The following CUX1 variants were observed in gnomAD, a reference collection of about 807,000 sequenced individuals.
CUX1 encodes the protein cut like homeobox 1, also known as protein CASP.
A neutral mutation model predicts 158.8 loss-of-function variants in CUX1; 31 were observed. The observed-to-expected ratio is 0.20, with a 90% CI of 0.15 to 0.26. The LOEUF (loss-of-function observed/expected upper bound fraction) is 0.26, where lower values mean the gene tolerates loss of function less well. CUX1 is among the 10% of genes least tolerant of loss of function. The pLI is 1.00. For missense variants in CUX1, 1,589 were observed against 2,014.6 expected, an observed-to-expected ratio of 0.79 and a Z score of 4.04; for synonymous variants, 879 against 862.1, an observed-to-expected ratio of 1.02 and a Z score of -0.34.
At chr7:102,055,254 T>C (rs772640998) in intron 3 of CUX1, among the ~76,000 whole-genome samples, 3 of 152,124 alleles carry the variant, frequency 2.0e-5, no homozygotes, top group African/African-American at 4.8e-5. Flanking sequence ...ATTGCAAACA[T>C]GTAGAAAGAC....
Position 102,250,219 on chromosome 7 carries a change from C to T in CUX1, c.*1177C>T. 15 of 985,396 alleles carry T rather than the reference C, an allele frequency of 1.5e-5. No homozygotes were observed. Among genetic ancestry groups the T allele is most frequent in the Non-Finnish European group, 1.8e-5 (15 of 829,938 alleles). 61.0% of individuals were successfully genotyped at this position (985,396 alleles called of 1,614,324 possible). A position where few individuals can be genotyped will look rare whatever the true frequency, so the allele number is the denominator to read the frequency against. ...GTTAATTTTGTTTAATTTATGGTGT[C>T]TCAATCTGTCTGTGCGTCTGCACGT... On this transcript the variant is annotated 3_prime_UTR_variant, in exon 24 of 24. Transcript: ENST00000292535.
At chr7:102,129,639 G>A (rs1563284485) in intron 8 of CUX1, among the ~76,000 whole-genome samples, 2 of 152,136 alleles carry the variant, frequency 1.3e-5, no homozygotes, top group South Asian at 4.1e-4. Flanking sequence ...AGCCGAGATT[G>A]TGCCATTGCA....
At chr7:101,977,696 A>G (rs183159532) in intron 2 of CUX1, among the ~76,000 whole-genome samples, 2,894 of 152,208 alleles carry the variant, frequency 0.019, 62 homozygotes, top group South Asian at 0.024. Flanking sequence ...GCTTGAACCC[A>G]GGAGGCAGAG....
intron 13 of CUX1, among the ~76,000 whole-genome samples, chr7:102,195,094 C>T (rs1182964858): frequency 6.9e-6 from 1 of 144,596 alleles, no homozygotes; most frequent in African/African-American, 2.6e-5. Context: ...GCCCAGAAGA[C>T]AGCCAACATC....
At chr7:102,033,338 T>A (rs759294839) in intron 3 of CUX1, among the ~76,000 whole-genome samples, 1 of 151,578 alleles carries the variant, frequency 6.6e-6, no homozygotes, top group Non-Finnish European at 1.5e-5. Context: ...TCAAATAGAA[T>A]GAAAGAAATG....
At chr7:102,110,556 A>G (rs527670078) in intron 6 of CUX1, among the ~76,000 whole-genome samples, 2 of 152,308 alleles carry the variant, frequency 1.3e-5, no homozygotes, top group East Asian at 1.9e-4. Context: ...AACGTGTTAC[A>G]TAGTAGTTTA....
chr7:102,066,052 G>A (rs1563197835), intron 3 of CUX1, among the ~76,000 whole-genome samples: 1 of 152,176 alleles, frequency 6.6e-6, no homozygotes, highest in African/African-American at 2.4e-5. Context: ...GCCTCCCAAA[G>A]TGCTGGGATT....
In CUX1 at chr7:101,940,164, C is replaced by A. The variant is rs1000788664; in HGVS notation, c.141+23939C>A. 2.0e-5 allele frequency among the ~76,000 whole-genome samples: 3 copies of A among 150,476 alleles called. 1 individual carries two copies. The South Asian group carries it at 6.3e-4, about 32-fold the overall frequency. On this transcript the variant is annotated intron_variant, in intron 2 of 23. Transcript: ENST00000292535. ...CTGAGGCAGGAGGATTGCTTGAGCC[C>A]GGGAGGTTGAGAATGAAGTGAGCTC...
intron 2 of CUX1, among the ~76,000 whole-genome samples, chr7:102,019,764 G>A (rs574274032): frequency 3.3e-5 from 5 of 152,342 alleles, no homozygotes; most frequent in South Asian, 2.1e-4. Flanking sequence ...GACACGGAAC[G>A]TGTTTTAAAT....
chr7:101,979,079 G>C (rs1813087606), intron 2 of CUX1, among the ~76,000 whole-genome samples: 1 of 152,200 alleles, frequency 6.6e-6, no homozygotes, highest in Admixed American at 6.5e-5. Context: ...AAAGCCAAGA[G>C]TGTCCATTTA....
intron 10 of CUX1, among the ~76,000 whole-genome samples, chr7:102,174,409 G>A (rs1475620495): frequency 2.0e-5 from 3 of 151,608 alleles, no homozygotes; most frequent in African/African-American, 7.3e-5. Flanking sequence ...GTGAGCCACC[G>A]CACCCAGCCT....
intron 1 of CUX1, among the ~76,000 whole-genome samples, chr7:101,893,187 A>ATTTTTTTTTTTTTTTTTTG (rs1801089983): frequency 2.4e-4 from 1 of 4,140 alleles, no homozygotes. Flanking sequence ...TTTTTTTTTA[A>ATTTTTTTTTTTTTTTTTTG]AATAGAGATG....
At chr7:101,850,797 G>T (rs1283992341) in intron 1 of CUX1, among the ~76,000 whole-genome samples, 3 of 152,236 alleles carry the variant, frequency 2.0e-5, no homozygotes, top group East Asian at 3.9e-4. Flanking sequence ...CTCAGAAAAG[G>T]CTGCCTACGC....
chr7:102,075,951 G>A (rs147008881), intron 4 of CUX1, among the ~76,000 whole-genome samples: 14 of 152,156 alleles, frequency 9.2e-5, no homozygotes, highest in South Asian at 2.1e-4. Context: ...TCCCGCCGGC[G>A]CCCCAAGCCC....
At chr7:102,279,943 T>A (rs1791929099) in intron 18 of CUX1, 2 of 789,700 alleles carry the variant, frequency 2.5e-6, no homozygotes, top group Non-Finnish European at 4.3e-6. Context: ...TTCCCTTTTT[T>A]GCAGATGAGG....
chr7:102,138,290 G>C (rs559597006), intron 8 of CUX1, among the ~76,000 whole-genome samples: 5 of 152,158 alleles, frequency 3.3e-5, no homozygotes, highest in Admixed American at 3.3e-4. Context: ...GGGTAAATTT[G>C]GCCTAATTAC....
chr7:102,141,312 A>C (rs1209601245), intron 8 of CUX1, among the ~76,000 whole-genome samples: 1 of 152,164 alleles, frequency 6.6e-6, no homozygotes, highest in Non-Finnish European at 1.5e-5. Context: ...CCTGCGGGGT[A>C]CAGGAAACCA....
At chr7:102,261,730 C>T (rs781923365), downstream of CUX1, among the ~76,000 whole-genome samples, 1 of 151,946 alleles carries the variant, frequency 6.6e-6, no homozygotes, top group African/African-American at 2.4e-5. Context: ...TGACCGTGAG[C>T]AAGTCTTAAG....
intron 1 of CUX1, among the ~76,000 whole-genome samples, chr7:101,858,006 C>T (rs1001475931): frequency 6.6e-6 from 1 of 152,132 alleles, no homozygotes; most frequent in Non-Finnish European, 1.5e-5. Context: ...ACCTGTACTC[C>T]CAGCTCCTCG....
Sources: gnomAD v4.1 joint callset for allele counts (sites outside exome capture counted in the v4.1 genomes callset) on GRCh38, gnomAD v4.1.1 for gene constraint, MANE v1.5 for transcripts, NCBI Gene and HGNC (gene_info 2026-07-23, HGNC 2026-07-21) for gene names.